The following RALYL variants were observed in gnomAD, a reference collection of about 807,000 sequenced individuals.
RALYL encodes RALY RNA binding protein like.
In RALYL, 29 loss-of-function variants were observed where a neutral mutation model predicts 35.1. The ratio of observed to expected loss-of-function variants is 0.83; its 90% CI spans 0.61 to 1.13. RALYL has a LOEUF of 1.13. Among genes scored for constraint, RALYL ranks in the 50% most tolerant of loss-of-function variants. The pLI is 0.00. For missense variants in RALYL, 359 were observed against 360.4 expected, an observed-to-expected ratio of 1.00 and a Z score of 0.03; for synonymous variants, 120 against 127.6, an observed-to-expected ratio of 0.94 and a Z score of 0.40.
chr8:84,329,870 G>A (rs925440989), intron 1 of RALYL, among the ~76,000 whole-genome samples: 9 of 151,982 alleles, frequency 5.9e-5, no homozygotes, highest in Non-Finnish European at 1.3e-4. Flanking sequence ...TTCAGATGCA[G>A]GCCTGAGTCT....
At chr8:84,474,130 T>G (rs2053118557) in intron 1 of RALYL, among the ~76,000 whole-genome samples, 1 of 152,122 alleles carries the variant, frequency 6.6e-6, no homozygotes, top group Non-Finnish European at 1.5e-5. Context: ...ATTGCCAGTT[T>G]CACCACTGTA....
intron 8 of RALYL, among the ~76,000 whole-genome samples, chr8:84,914,072 A>G (rs1171735905): frequency 1.3e-5 from 2 of 152,030 alleles, no homozygotes; most frequent in East Asian, 3.8e-4. Flanking sequence ...TTTTAAAATT[A>G]TTCCTGTAAA....
intron 1 of RALYL, among the ~76,000 whole-genome samples, chr8:84,393,362 G>C (rs751199551): frequency 6.6e-6 from 1 of 152,032 alleles, no homozygotes; most frequent in Non-Finnish European, 1.5e-5. Context: ...TTCCTTGACA[G>C]GTGACCCTCT....
At chr8:84,386,335 C>G (rs1468818098) in intron 1 of RALYL, among the ~76,000 whole-genome samples, 2 of 151,700 alleles carry the variant, frequency 1.3e-5, no homozygotes. Context: ...AGTTTTTAGA[C>G]TAGTACAAAG....
At chr8:84,614,445 T>A (rs574920644) in intron 2 of RALYL, among the ~76,000 whole-genome samples, 2 of 151,784 alleles carry the variant, frequency 1.3e-5, no homozygotes, top group East Asian at 1.9e-4. Context: ...GGAAGAGTGG[T>A]CACTAAACTT....
At chr8:84,324,434 C>T (rs7836131) in intron 1 of RALYL, among the ~76,000 whole-genome samples, 2 of 151,974 alleles carry the variant, frequency 1.3e-5, no homozygotes, top group African/African-American at 4.8e-5. Context: ...TCAGTTTCCT[C>T]ATTTAGAACC....
chr8:84,617,394 G>T (rs1262632331), intron 2 of RALYL, among the ~76,000 whole-genome samples: 3 of 149,130 alleles, frequency 2.0e-5, no homozygotes, highest in Non-Finnish European at 3.0e-5. Context: ...CTCTCTGTTT[G>T]TCTGTTGTTG....
intron 1 of RALYL, among the ~76,000 whole-genome samples, chr8:84,286,773 G>A (rs1020457530): frequency 2.6e-5 from 4 of 152,126 alleles, no homozygotes; most frequent in African/African-American, 4.8e-5. Flanking sequence ...TTTCTAAAAC[G>A]TTGAGATTGA....
intron 2 of RALYL, among the ~76,000 whole-genome samples, chr8:84,621,249 G>T (rs1488236804): frequency 6.6e-6 from 1 of 152,146 alleles, no homozygotes; most frequent in African/African-American, 2.4e-5. Flanking sequence ...GAGACTCCGT[G>T]GGCGTGGGCG....
intron 4 of RALYL, among the ~76,000 whole-genome samples, chr8:84,849,404 T>G (rs1835344283): frequency 2.0e-5 from 3 of 152,190 alleles, no homozygotes; most frequent in Non-Finnish European, 2.9e-5. Flanking sequence ...TTATCTTATT[T>G]CAATACCTTT....
chr8:84,530,945 T>G (rs986576953), intron 2 of RALYL, among the ~76,000 whole-genome samples: 1 of 152,154 alleles, frequency 6.6e-6, no homozygotes, highest in Non-Finnish European at 1.5e-5. Flanking sequence ...CAACAGGTCT[T>G]TGCTAATTAT....
intron 1 of RALYL, among the ~76,000 whole-genome samples, chr8:84,315,802 T>C (rs1320757191): frequency 6.6e-6 from 1 of 150,544 alleles, no homozygotes. Flanking sequence ...GTTGACACTC[T>C]GCTATCCCAC....
intron 2 of RALYL, among the ~76,000 whole-genome samples, chr8:84,675,760 A>G (rs1009940365): frequency 1.1e-4 from 16 of 152,116 alleles, no homozygotes; most frequent in Non-Finnish European, 2.2e-4. Context: ...ACCATAGTCC[A>G]TAGACGTTAG....
At chr8:84,338,575 A>G (rs1459307515) in intron 1 of RALYL, among the ~76,000 whole-genome samples, 2 of 152,170 alleles carry the variant, frequency 1.3e-5, no homozygotes, top group East Asian at 3.9e-4. Flanking sequence ...TAAAACATGA[A>G]TAATGCTACA....
chr8:84,879,358 T>A (rs911600439), intron 7 of RALYL, among the ~76,000 whole-genome samples: 1 of 152,146 alleles, frequency 6.6e-6, no homozygotes, highest in African/African-American at 2.4e-5. Flanking sequence ...AAATAAAATA[T>A]TCTTCAGGAA....
In RALYL at chr8:84,750,248, A is replaced by C. The variant is rs564524901; in HGVS notation, c.257-24331A>C. ...TAAAGAGAAGAATTATTTCTTTTACAAAAAGATACATCAGTCTTGTATTGG... is the reference window on the plus strand; with the variant it reads ...TAAAGAGAAGAATTATTTCTTTTACCAAAAGATACATCAGTCTTGTATTGG... On this transcript the variant is annotated intron_variant, in intron 2 of 8. Coordinates refer to ENST00000521268, the MANE Select transcript of RALYL (RefSeq NM_173848.7). Among the ~76,000 whole-genome samples, 11 of 152,332 alleles carry C rather than the reference A, an allele frequency of 7.2e-5. No individual in the cohort carries two copies. The East Asian group carries it at 1.4e-3, about 19-fold the overall frequency.
At chr8:84,502,678 T>C (rs998933993) in intron 1 of RALYL, among the ~76,000 whole-genome samples, 4 of 151,932 alleles carry the variant, frequency 2.6e-5, no homozygotes, top group Admixed American at 6.6e-5. Context: ...CCAATCTCCA[T>C]GAATAAGCAA....
intron 1 of RALYL, among the ~76,000 whole-genome samples, chr8:84,274,629 T>C (rs764994187): frequency 6.6e-5 from 10 of 152,206 alleles, no homozygotes; most frequent in Non-Finnish European, 1.0e-4. Flanking sequence ...GCTGACACCA[T>C]AAGAGACTGC....
chr8:84,781,398 C>A (rs1029255771), intron 3 of RALYL, among the ~76,000 whole-genome samples: 1 of 152,144 alleles, frequency 6.6e-6, no homozygotes, highest in Admixed American at 6.5e-5. Context: ...CTGCTGCGGG[C>A]AATTCTCTCT....
Sources: allele counts gnomAD v4.1 joint callset (sites outside exome capture counted in the v4.1 genomes callset), GRCh38; gene constraint gnomAD v4.1.1; transcripts MANE v1.5; gene names NCBI Gene and HGNC (gene_info 2026-07-23, HGNC 2026-07-21).